The following MCCC1 variants were observed in gnomAD, a reference collection of about 807,000 sequenced individuals.
MCCC1 encodes the protein methylcrotonyl-CoA carboxylase subunit 1.
A neutral mutation model predicts 83.8 loss-of-function variants in MCCC1; 64 were observed. That is an observed-to-expected ratio of 0.76 (90% confidence interval 0.62 to 0.94). The LOEUF is 0.94. Ranked by LOEUF, MCCC1 falls within the 40% of genes least tolerant of loss-of-function variation. The pLI, the probability that MCCC1 is intolerant of heterozygous loss-of-function variation, is 0.00. For synonymous variants in MCCC1, 322 were observed against 315.4 expected, an observed-to-expected ratio of 1.02 and a Z score of -0.22; for missense variants, 807 against 904.7, an observed-to-expected ratio of 0.89 and a Z score of 1.39.
At chr3:183,104,848 A>G (rs188337215) in intron 1 of MCCC1, among the ~76,000 whole-genome samples, 2 of 152,342 alleles carry the variant, frequency 1.3e-5, no homozygotes, top group East Asian at 3.9e-4. Context: ...TACTGTTGCA[A>G]GTAAAAATTG....
rs556041427 is a variant in MCCC1 at position 183,021,843 on chromosome 3, T to A, written c.1869+574A>T. On this transcript the variant is annotated intron_variant, in intron 16 of 18. Coordinates refer to ENST00000265594, the MANE Select transcript of MCCC1 (RefSeq NM_020166.5). Reference sequence around the variant, plus strand: ...GGCCACAGCATATATGATAATGCATTATCCTCTTTCTGCCCAGGCCGAAGG... The same window carrying A: ...GGCCACAGCATATATGATAATGCATAATCCTCTTTCTGCCCAGGCCGAAGG... Among the ~76,000 whole-genome samples the A allele has an allele frequency of 2.0e-5, 3 of 152,324 alleles. No homozygotes were observed. The East Asian group carries it at 5.8e-4, about 29-fold the overall frequency.
chr3:183,026,250 C>G (rs931035336), intron 14 of MCCC1, among the ~76,000 whole-genome samples: 3 of 152,132 alleles, frequency 2.0e-5, no homozygotes, highest in Non-Finnish European at 4.4e-5. Context: ...CCATATTGCC[C>G]AGGCTGGTCT....
At chr3:183,107,669 A>T (rs960572257) in intron 1 of MCCC1, among the ~76,000 whole-genome samples, 4 of 151,648 alleles carry the variant, frequency 2.6e-5, no homozygotes, top group African/African-American at 4.8e-5. Context: ...CAGCCTCCCA[A>T]GTAGCTGGGA....
chr3:183,113,394 A>G (rs1182575524), intron 1 of MCCC1, among the ~76,000 whole-genome samples: 6 of 120,600 alleles, frequency 5.0e-5, no homozygotes, highest in African/African-American at 1.9e-4. Context: ...GAAGGGGAAC[A>G]TCATACTCCG....
intron 1 of MCCC1, among the ~76,000 whole-genome samples, chr3:183,112,020 G>A (rs1483259808): frequency 1.3e-5 from 2 of 151,912 alleles, no homozygotes; most frequent in Admixed American, 1.3e-4. Flanking sequence ...ATAAATGGAA[G>A]TGCTCTGAGT....
chr3:183,109,530 A>G (rs1719461491), intron 1 of MCCC1, among the ~76,000 whole-genome samples: 2 of 152,212 alleles, frequency 1.3e-5, no homozygotes, highest in Admixed American at 6.5e-5. Flanking sequence ...TCCCATGTTA[A>G]TTCGCTTAGG....
intron 4 of MCCC1, among the ~76,000 whole-genome samples, chr3:183,078,175 A>ATGG (rs1717221797): frequency 2.6e-5 from 4 of 152,094 alleles, no homozygotes; most frequent in African/African-American, 9.7e-5. Flanking sequence ...ACCTGTCACC[A>ATGG]TGCCTGGCTA....
chr3:183,112,904 T>A (rs1719522909), intron 1 of MCCC1, among the ~76,000 whole-genome samples: 1 of 150,132 alleles, frequency 6.7e-6, no homozygotes. Context: ...GAGACCCCCA[T>A]CTTAAAAAAT....
At chr3:183,083,734 A>G (rs1295469740) in intron 4 of MCCC1, among the ~76,000 whole-genome samples, 1 of 152,216 alleles carries the variant, frequency 6.6e-6, no homozygotes, top group Admixed American at 6.5e-5. Flanking sequence ...CATTAAAAAG[A>G]AAGTGGATTT....
At chr3:183,047,889 G>C (rs1433256874) in intron 9 of MCCC1, among the ~76,000 whole-genome samples, 1 of 152,210 alleles carries the variant, frequency 6.6e-6, no homozygotes, top group African/African-American at 2.4e-5. Flanking sequence ...AGAAGGAGAA[G>C]AAAGGAAGGA....
chr3:183,074,369 A>T (rs541331956), intron 4 of MCCC1, among the ~76,000 whole-genome samples: 1 of 152,346 alleles, frequency 6.6e-6, no homozygotes, highest in South Asian at 2.1e-4. Context: ...AAACAGAAGG[A>T]GGCAAAAGGC....
At chr3:183,103,800 G>A (rs1350878084), upstream of MCCC1, among the ~76,000 whole-genome samples, 3 of 152,198 alleles carry the variant, frequency 2.0e-5, no homozygotes, top group Non-Finnish European at 4.4e-5. Context: ...AGCAGGGGGC[G>A]GCGCTCATCG....
At chr3:183,032,128 A>T (rs1713133484) in intron 14 of MCCC1, among the ~76,000 whole-genome samples, 1 of 152,242 alleles carries the variant, frequency 6.6e-6, no homozygotes, top group African/African-American at 2.4e-5. Flanking sequence ...GTGAACAGCA[A>T]TCATGTTGGC....
chr3:183,035,746 T>A (rs143474347), intron 13 of MCCC1, among the ~76,000 whole-genome samples: 76 of 152,236 alleles, frequency 5.0e-4, no homozygotes, highest in African/African-American at 1.8e-3. Context: ...TTTTAAAAAT[T>A]CTGTTTGCTC....
chr3:183,111,302 C>CT (rs984230742), intron 1 of MCCC1, among the ~76,000 whole-genome samples: 10 of 148,512 alleles, frequency 6.7e-5, no homozygotes, highest in Admixed American at 2.0e-4. Flanking sequence ...GTCAAATGAC[C>CT]TTTTTTTTTT....
chr3:183,038,982 G>C (rs371643481), intron 12 of MCCC1, 44 bp downstream of exon 12: 1 of 1,559,254 alleles, frequency 6.4e-7, no homozygotes, highest in East Asian at 2.2e-5. Context: ...CTCTGGTGCT[G>C]ACCAAACACA....
At chr3:183,045,318 G>A in intron 10 of MCCC1, 95 bp downstream of exon 10, 1 of 1,450,608 alleles carries the variant, frequency 6.9e-7, no homozygotes, top group Non-Finnish European at 9.6e-7. Context: ...GACCTCAGGT[G>A]ATCCACCTGC....
chr3:183,095,257 T>G (rs1267725589), intron 1 of MCCC1, among the ~76,000 whole-genome samples: 1 of 151,598 alleles, frequency 6.6e-6, no homozygotes, highest in Non-Finnish European at 1.5e-5. Flanking sequence ...CACTCCAGCC[T>G]GGGTGACAGA....
chr3:183,094,550 T>TGTCA lies in MCCC1; in HGVS notation c.136+5_136+8dup. The TGTCA allele has an allele frequency of 1.2e-6, 2 of 1,614,102 alleles. No homozygotes were observed. Among genetic ancestry groups the TGTCA allele is most frequent in the South Asian group, 2.2e-5 (2 of 91,076 alleles). On this transcript the variant is annotated intron_variant, in intron 2 of 18. Transcript: ENST00000265594. ...CAAAATCAAATAGAACAACAAAGTC[T>TGTCA]GTCAGTACCTGTGGCTGTTGTGTAC...
Sources: gnomAD v4.1 joint callset for allele counts (sites outside exome capture counted in the v4.1 genomes callset) on GRCh38, gnomAD v4.1.1 for gene constraint, MANE v1.5 for transcripts, NCBI Gene and HGNC (gene_info 2026-07-23, HGNC 2026-07-21) for gene names.